The following SERPINI1 variants were observed in gnomAD, a reference collection of about 807,000 sequenced individuals.
The protein encoded by SERPINI1 is neuroserpin.
A neutral mutation model predicts 41.1 loss-of-function variants in SERPINI1; 19 were observed. That is an observed-to-expected ratio of 0.46 (90% CI 0.32 to 0.68). The LOEUF is 0.68. SERPINI1 is among the 30% of genes least tolerant of loss of function. SERPINI1 has a pLI of 0.03. For missense variants in SERPINI1, 460 were observed against 479.2 expected, an observed-to-expected ratio of 0.96 and a Z score of 0.37; for synonymous variants, 138 against 156.6, an observed-to-expected ratio of 0.88 and a Z score of 0.89.
chr3:167,794,534 T>C (rs1727649439), intron 4 of SERPINI1, 86 bp from the exon 5 acceptor site: 2 of 1,126,704 alleles, frequency 1.8e-6, no homozygotes, highest in Non-Finnish European at 2.6e-6. Flanking sequence ...GTGTACACTA[T>C]ACCAAATATG....
intron 1 of SERPINI1, among the ~76,000 whole-genome samples, chr3:167,755,751 T>C (rs1726172779): frequency 6.6e-6 from 1 of 151,464 alleles, no homozygotes; most frequent in Non-Finnish European, 1.5e-5. Flanking sequence ...TTTGTAAACC[T>C]AAAGCCTATA....
chr3:167,755,848 T>A, intron 1 of SERPINI1, among the ~76,000 whole-genome samples: 1 of 147,372 alleles, frequency 6.8e-6, no homozygotes, highest in East Asian at 2.0e-4. Context: ...CCCAGCTGCA[T>A]GACGGATGAA....
chr3:167,746,882 A>G (rs1303691717), intron 1 of SERPINI1, among the ~76,000 whole-genome samples: 1 of 152,170 alleles, frequency 6.6e-6, no homozygotes, highest in Non-Finnish European at 1.5e-5. Flanking sequence ...CCATTCTTCA[A>G]AATATTAGCC....
chr3:167,750,468 C>T (rs1321084494), intron 1 of SERPINI1, among the ~76,000 whole-genome samples: 2 of 152,112 alleles, frequency 1.3e-5, no homozygotes, highest in African/African-American at 4.8e-5. Flanking sequence ...ATCACGTGTT[C>T]GTGATGCTTA....
In SERPINI1 at chr3:167,772,725, G is replaced by A. The variant is rs549995681; in HGVS notation, c.-18-16386G>A. On this transcript the variant is annotated intron_variant, in intron 1 of 8. Transcript: ENST00000446050. ...CATTAAAATATTCTCTGAAATTCAA[G>A]TGCAGTGGAGTGTACCTATAGTATC... is the stretch of plus-strand genomic sequence containing the variant. Among the ~76,000 whole-genome samples, 305 of 150,754 alleles carry A rather than the reference G, an allele frequency of 2.0e-3. 1 individual carries two copies. The highest frequency in any genetic ancestry group is 3.8e-3 in the Non-Finnish European group (260 of 67,710).
At chr3:167,748,554 A>G (rs1725935735) in intron 1 of SERPINI1, among the ~76,000 whole-genome samples, 1 of 152,232 alleles carries the variant, frequency 6.6e-6, no homozygotes, top group African/African-American at 2.4e-5. Context: ...GTAAATAGTC[A>G]TGCAACATTA....
intron 1 of SERPINI1, among the ~76,000 whole-genome samples, chr3:167,748,039 TTA>T (rs570411832): frequency 6.6e-6 from 1 of 151,830 alleles, no homozygotes; most frequent in Non-Finnish European, 1.5e-5. Context: ...TAATACTTCT[TTA>T]TATCTTATTT....
At chr3:167,764,037 C>A (rs1258128680) in intron 1 of SERPINI1, among the ~76,000 whole-genome samples, 1 of 151,932 alleles carries the variant, frequency 6.6e-6, no homozygotes, top group African/African-American at 2.4e-5. Context: ...TCCCCAAGGA[C>A]ACCTTTTGTT....
At chr3:167,788,779 C>G (rs1727396908) in intron 1 of SERPINI1, among the ~76,000 whole-genome samples, 1 of 152,192 alleles carries the variant, frequency 6.6e-6, no homozygotes, top group Non-Finnish European at 1.5e-5. Context: ...TTATACTTGT[C>G]CTAGACCTAT....
At chr3:167,802,563 A>C (rs1727936192) in intron 5 of SERPINI1, among the ~76,000 whole-genome samples, 1 of 151,894 alleles carries the variant, frequency 6.6e-6, no homozygotes, top group African/African-American at 2.4e-5. Context: ...AATGCAAATC[A>C]AAACCACAAT....
At chr3:167,822,065 T>C (rs1712352981) in intron 6 of SERPINI1, among the ~76,000 whole-genome samples, 3 of 152,210 alleles carry the variant, frequency 2.0e-5, no homozygotes, top group South Asian at 4.1e-4. Context: ...AGCACTGTTA[T>C]AGAAACATCC....
intron 1 of SERPINI1, among the ~76,000 whole-genome samples, chr3:167,772,980 A>G (rs866396908): frequency 4.8e-5 from 6 of 126,060 alleles, no homozygotes; most frequent in African/African-American, 6.5e-5. Flanking sequence ...ATATATATGT[A>G]TATATATATA....
chr3:167,747,289 G>T (rs1456156232), intron 1 of SERPINI1, among the ~76,000 whole-genome samples: 2 of 152,128 alleles, frequency 1.3e-5, no homozygotes, highest in East Asian at 3.8e-4. Context: ...TCTTTCTGGG[G>T]TGATGAAATG....
chr3:167,789,576 A>C (rs1716348663), intron 2 of SERPINI1, among the ~76,000 whole-genome samples, 198 bp downstream of exon 2: 1 of 152,226 alleles, frequency 6.6e-6, no homozygotes, highest in African/African-American at 2.4e-5. Flanking sequence ...AATCTAAGGA[A>C]ATTACATCTT....
Position 167,790,511 on chromosome 3 carries a change from A to C in SERPINI1, c.390A>C (p.Lys130Asn). ...VNEEFLQMMK[K>N]YFNAAVNHVD... ...AGGAGTTTTTGCAAATGATGAAAAAATATTTTAATGCAGCAGTAAATCATG... is the reference window on the plus strand; with the variant it reads ...AGGAGTTTTTGCAAATGATGAAAAACTATTTTAATGCAGCAGTAAATCATG... Residue 130 changes from lysine (K) to asparagine (N), a missense_variant, in exon 3 of 9, where the codon AAA becomes AAC. Transcript: ENST00000446050. 1 of 1,614,070 alleles carries C rather than the reference A, an allele frequency of 6.2e-7. No individual in the cohort carries two copies. The highest frequency in any genetic ancestry group is 8.5e-7 in the Non-Finnish European group (1 of 1,179,934).
intron 1 of SERPINI1, among the ~76,000 whole-genome samples, chr3:167,772,495 A>G (rs1371466570): frequency 1.3e-5 from 2 of 152,048 alleles, no homozygotes; most frequent in Non-Finnish European, 2.9e-5. Flanking sequence ...TTAAAATTGT[A>G]TATTCAAATA....
chr3:167,817,268 A>G (rs961716647), intron 6 of SERPINI1, among the ~76,000 whole-genome samples: 1 of 152,178 alleles, frequency 6.6e-6, no homozygotes. Context: ...AAGGAATTTT[A>G]TCTTCACGCT....
At chr3:167,824,436 T>A in intron 7 of SERPINI1, 37 bp from the exon 8 acceptor site, 1 of 1,497,504 alleles carries the variant, frequency 6.7e-7, no homozygotes, top group Non-Finnish European at 9.3e-7. Context: ...TCTCTGCACA[T>A]CCACAGACAT....
chr3:167,759,641 G>T (rs982321720), intron 1 of SERPINI1, among the ~76,000 whole-genome samples: 1 of 151,980 alleles, frequency 6.6e-6, no homozygotes, highest in Non-Finnish European at 1.5e-5. Context: ...AAGGTGAAAG[G>T]GGGTGAGTGT....
Sources: gnomAD v4.1 joint callset for allele counts (sites outside exome capture counted in the v4.1 genomes callset) on GRCh38, gnomAD v4.1.1 for gene constraint, MANE v1.5 for transcripts, NCBI Gene and HGNC (gene_info 2026-07-23, HGNC 2026-07-21) for gene names.